The following AMPH variants were observed in gnomAD, a reference collection of about 807,000 sequenced individuals.
The protein encoded by AMPH is amphiphysin (Stiff-Mann syndrome with breast cancer 128kD autoantigen).
AMPH carries 49 observed loss-of-function variants against 99.1 expected under a neutral mutation model. The ratio of observed to expected loss-of-function variants is 0.49; its 90% CI spans 0.39 to 0.63. The LOEUF is 0.63. AMPH is among the 20% of genes least tolerant of loss of function. AMPH has a pLI of 0.00. For synonymous variants in AMPH, 314 were observed against 317.3 expected, an observed-to-expected ratio of 0.99 and a Z score of 0.11; for missense variants, 759 against 863.4, an observed-to-expected ratio of 0.88 and a Z score of 1.52.
At chr7:38,398,846 A>C (rs1304430893) in intron 17 of AMPH, among the ~76,000 whole-genome samples, 2 of 152,218 alleles carry the variant, frequency 1.3e-5, no homozygotes, top group Non-Finnish European at 2.9e-5. Context: ...AGTTAAAAAT[A>C]AACATAAAAT....
chr7:38,481,267 T>A (rs1242895453), intron 5 of AMPH, among the ~76,000 whole-genome samples: 1 of 152,134 alleles, frequency 6.6e-6, no homozygotes, highest in Non-Finnish European at 1.5e-5. Context: ...AATGGAAAAT[T>A]ATATAATTCT....
intron 1 of AMPH, among the ~76,000 whole-genome samples, chr7:38,623,809 C>T (rs1463250551): frequency 1.3e-5 from 2 of 152,100 alleles, no homozygotes; most frequent in African/African-American, 2.4e-5. Context: ...AAGCGACAAT[C>T]GAAAAAGAAT....
At chr7:38,559,134 C>T (rs1449886833) in intron 1 of AMPH, among the ~76,000 whole-genome samples, 5 of 152,248 alleles carry the variant, frequency 3.3e-5, no homozygotes, top group Non-Finnish European at 7.3e-5. Context: ...TAGGGACCCA[C>T]AAAGTGTGCA....
intron 1 of AMPH, among the ~76,000 whole-genome samples, chr7:38,562,678 G>C (rs535199026): frequency 1.1e-4 from 16 of 151,398 alleles, no homozygotes; most frequent in African/African-American, 3.9e-4. Context: ...GGGAGGGAGA[G>C]GAGAGGGGTA....
At chr7:38,600,196 C>G (rs180729555) in intron 1 of AMPH, among the ~76,000 whole-genome samples, 1 of 151,976 alleles carries the variant, frequency 6.6e-6, no homozygotes, top group African/African-American at 2.4e-5. Context: ...TTTCCCATAC[C>G]TTTCTAAATT....
At chr7:38,615,675 T>A (rs1793848702) in intron 1 of AMPH, among the ~76,000 whole-genome samples, 1 of 152,162 alleles carries the variant, frequency 6.6e-6, no homozygotes, top group Non-Finnish European at 1.5e-5. Flanking sequence ...TCTGGAAAGA[T>A]CACTTCTTGG....
At chr7:38,386,612 T>G (rs1784355905) in intron 20 of AMPH, among the ~76,000 whole-genome samples, 1 of 152,220 alleles carries the variant, frequency 6.6e-6, no homozygotes, top group Non-Finnish European at 1.5e-5. Flanking sequence ...CAACTCCTTC[T>G]GGAGAGAATA....
intron 5 of AMPH, among the ~76,000 whole-genome samples, chr7:38,485,599 T>C (rs987041203): frequency 2.6e-5 from 4 of 151,858 alleles, no homozygotes; most frequent in South Asian, 2.1e-4. Flanking sequence ...AAAGAAACAG[T>C]AGACCTGAGC....
At chr7:38,570,969 G>A (rs1294963696) in intron 1 of AMPH, among the ~76,000 whole-genome samples, 1 of 37,396 alleles carries the variant, frequency 2.7e-5, no homozygotes, top group South Asian at 5.3e-4. Flanking sequence ...TATATATATA[G>A]AATATATATA....
rs1055311692 is a variant in AMPH at position 38,545,292 on chromosome 7, T to C, written c.70-10281A>G. ...CCTCCATCAGATCTGCTAATACCTG[T>C]CTTCCTGTACAGGAAAATCTGGGCT... On this transcript the variant is annotated intron_variant, in intron 1 of 20. Coordinates refer to ENST00000356264, the MANE Select transcript of AMPH (RefSeq NM_001635.4). 3.9e-5 allele frequency among the ~76,000 whole-genome samples: 6 copies of C among 152,320 alleles called. No individual in the cohort carries two copies. In the East Asian group the frequency reaches 1.2e-3, roughly 29 times the overall value.
chr7:38,479,875 C>A (rs1788225656), intron 5 of AMPH, among the ~76,000 whole-genome samples: 1 of 151,180 alleles, frequency 6.6e-6, no homozygotes, highest in Non-Finnish European at 1.5e-5. Context: ...AAGGAAGTAT[C>A]ATAAAATATA....
At chr7:38,483,503 A>G (rs909124850) in intron 5 of AMPH, among the ~76,000 whole-genome samples, 2 of 152,164 alleles carry the variant, frequency 1.3e-5, no homozygotes, top group African/African-American at 4.8e-5. Context: ...GGGCTTCCCA[A>G]GAAAATGGCT....
In AMPH at chr7:38,396,862, C is replaced by T. The variant is rs373072969; in HGVS notation, c.1399-2648G>A. Among the ~76,000 whole-genome samples, 60 of 152,262 alleles carry T rather than the reference C, an allele frequency of 3.9e-4. No homozygotes were observed. In the East Asian group the frequency reaches 4.2e-3, roughly 11 times the overall value. On this transcript the variant is annotated intron_variant, in intron 17 of 20. Coordinates refer to ENST00000356264, the MANE Select transcript of AMPH (RefSeq NM_001635.4). ...CGGAGACATTAACAGGATTTCTCTA[C>T]GACACTAAGGACCTAATAAAGTTTC...
intron 11 of AMPH, among the ~76,000 whole-genome samples, chr7:38,437,795 C>A (rs1786341209): frequency 6.6e-6 from 1 of 151,720 alleles, no homozygotes; most frequent in Non-Finnish European, 1.5e-5. Context: ...TGGACCAAGG[C>A]TCCATTCCCC....
intron 11 of AMPH, among the ~76,000 whole-genome samples, chr7:38,449,356 C>T (rs1207497681): frequency 6.6e-6 from 1 of 152,164 alleles, no homozygotes; most frequent in African/African-American, 2.4e-5. Flanking sequence ...AGGCAAGGTT[C>T]AGCAGAAAGA....
intron 14 of AMPH, among the ~76,000 whole-genome samples, chr7:38,427,643 C>T (rs937499930): frequency 2.5e-5 from 1 of 40,118 alleles, no homozygotes; most frequent in Admixed American, 3.5e-4. Flanking sequence ...GTTGTTGATG[C>T]TGCTGCTTTT....
chr7:38,593,854 G>A (rs1206994813), intron 1 of AMPH, among the ~76,000 whole-genome samples: 1 of 152,192 alleles, frequency 6.6e-6, no homozygotes, highest in African/African-American at 2.4e-5. Flanking sequence ...GTATAAGAAG[G>A]AAGCTAGACG....
At chr7:38,519,338 A>C (rs1162916917) in intron 2 of AMPH, among the ~76,000 whole-genome samples, 1 of 152,228 alleles carries the variant, frequency 6.6e-6, no homozygotes, top group Non-Finnish European at 1.5e-5. Flanking sequence ...GCAATTATTG[A>C]GTTTAAAGAT....
intron 1 of AMPH, among the ~76,000 whole-genome samples, chr7:38,594,964 T>C (rs934208845): frequency 2.0e-5 from 3 of 152,202 alleles, no homozygotes; most frequent in African/African-American, 7.2e-5. Flanking sequence ...TTAAGACGGA[T>C]GCTTAGGCCA....
Sources: allele counts gnomAD v4.1 joint callset (sites outside exome capture counted in the v4.1 genomes callset), GRCh38; gene constraint gnomAD v4.1.1; transcripts MANE v1.5; gene names NCBI Gene and HGNC (gene_info 2026-07-23, HGNC 2026-07-21).